Variants in CWC25 observed in about 807,000 individuals in gnomAD.
CWC25 encodes CWC25 spliceosome associated protein, also known as pre-mRNA-splicing factor CWC25 homolog.
A neutral mutation model predicts 54.6 loss-of-function variants in CWC25; 31 were observed. The observed-to-expected ratio is 0.57, with a 90% CI of 0.43 to 0.77. CWC25 has a LOEUF of 0.77. CWC25 is among the 30% of genes least tolerant of loss of function. The pLI is 0.00. For missense variants in CWC25, 453 were observed against 529.3 expected (o/e 0.86, Z 1.41); for synonymous variants, 151 against 187.0 (o/e 0.81, Z 1.57).
intron 2 of CWC25, among the ~76,000 whole-genome samples, chr17:38,819,324 C>T (rs1004495386): frequency 2.0e-5 from 3 of 150,862 alleles, no homozygotes; most frequent in Non-Finnish European, 3.0e-5. Flanking sequence ...CTCAGCCTCC[C>T]GAGTAGCTGG....
intron 5 of CWC25, 48 bp from the exon 6 acceptor site, chr17:38,809,813 G>A: frequency 1.3e-6 from 2 of 1,533,770 alleles, no homozygotes; most frequent in Non-Finnish European, 1.8e-6. Context: ...AATATATATA[G>A]GTCCAATTTA....
At chr17:38,822,290 C>T (rs1286883742) in intron 1 of CWC25, among the ~76,000 whole-genome samples, 1 of 152,058 alleles carries the variant, frequency 6.6e-6, no homozygotes, top group Non-Finnish European at 1.5e-5. Context: ...CTCAAACTCT[C>T]GACCTCAGGT....
chr17:38,815,305 C>T (rs1206805507), intron 2 of CWC25, among the ~76,000 whole-genome samples: 1 of 152,146 alleles, frequency 6.6e-6, no homozygotes, highest in Admixed American at 6.6e-5. Flanking sequence ...CCTGTAATCC[C>T]ACCATTTTGG....
intron 7 of CWC25, 145 bp downstream of exon 7, chr17:38,806,620 G>T: frequency 1.3e-6 from 1 of 767,220 alleles, no homozygotes; most frequent in Non-Finnish European, 2.0e-6. Context: ...CATTGAGGTG[G>T]AAAAAAAAAA....
At chr17:38,810,286 T>C in intron 5 of CWC25, 182 bp downstream of exon 5, 1 of 618,204 alleles carries the variant, frequency 1.6e-6, no homozygotes, top group Non-Finnish European at 2.7e-6. Context: ...ATTTAGCATC[T>C]CCAAGGAACT....
At chr17:38,807,569 C>T (rs1167044348) in intron 6 of CWC25, among the ~76,000 whole-genome samples, 1 of 139,214 alleles carries the variant, frequency 7.2e-6, no homozygotes, top group African/African-American at 2.6e-5. Flanking sequence ...CCACCCAGAG[C>T]AACTAGTGAG....
At chr17:38,805,861 G>A (rs1396997458) in intron 8 of CWC25, among the ~76,000 whole-genome samples, 5 of 151,550 alleles carry the variant, frequency 3.3e-5, no homozygotes, top group Non-Finnish European at 4.4e-5. Flanking sequence ...CGCCTGGGCT[G>A]CTGTGCAGTG....
chr17:38,809,829 C>G, intron 5 of CWC25, 64 bp from the exon 6 acceptor site: 1 of 1,450,812 alleles, frequency 6.9e-7, no homozygotes, highest in Non-Finnish European at 9.5e-7. Flanking sequence ...ATTTAAATAT[C>G]TTATGCTGAA....
chr17:38,819,839 AT>A (rs1485811152), intron 2 of CWC25, among the ~76,000 whole-genome samples: 1 of 149,614 alleles, frequency 6.7e-6, no homozygotes, highest in African/African-American at 2.5e-5. Flanking sequence ...CACCCAGCTA[AT>A]TTTTGTATTT....
rs1354184615 is a variant in CWC25 at position 38,806,917 on chromosome 17, T to A, written c.750A>T (p.Arg250Ser). Residue 250 changes from arginine to serine, a missense_variant, in exon 7 of 10, where the codon AGA becomes AGT. Around this residue, in one of 2 missense-constraint regions of CWC25, gnomAD observed 444 missense variants for 499.2 expected, o/e 0.89. Transcript: ENST00000614790. Reference sequence around the variant, plus strand: ...TGGAATGGTTCTTCATCCCATGCCCTCTCTTTTGCTCTGCTGTCAGAGGAC... The same window carrying A: ...TGGAATGGTTCTTCATCCCATGCCCACTCTTTTGCTCTGCTGTCAGAGGAC... ...LQGPLTAEQK[R>S]GHGMKNHSRS... is the part of the protein sequence containing the mutation. 6 of 1,613,962 alleles carry A rather than the reference T, an allele frequency of 3.7e-6. No homozygotes were observed. The highest frequency in any genetic ancestry group is 5.1e-6 in the Non-Finnish European group (6 of 1,179,872).
At chr17:38,812,560 G>A (rs986485810) in intron 4 of CWC25, among the ~76,000 whole-genome samples, 1 of 152,084 alleles carries the variant, frequency 6.6e-6, no homozygotes, top group African/African-American at 2.4e-5. Context: ...CTGGGAGGCG[G>A]AGGTTGCGGT....
At chr17:38,820,842 C>A in intron 2 of CWC25, 59 bp downstream of exon 2, 1 of 1,536,660 alleles carries the variant, frequency 6.5e-7, no homozygotes, top group Non-Finnish European at 8.8e-7. Flanking sequence ...CTGGATGATG[C>A]ATCTCAGGAC....
intron 8 of CWC25, among the ~76,000 whole-genome samples, chr17:38,805,205 G>A (rs1464509996): frequency 2.0e-5 from 3 of 152,112 alleles, no homozygotes; most frequent in Non-Finnish European, 4.4e-5. Flanking sequence ...AACCCCGGAG[G>A]CAGAGGTTGT....
At chr17:38,823,023 TAG>T (rs2143610577) in intron 1 of CWC25, among the ~76,000 whole-genome samples, 1 of 151,620 alleles carries the variant, frequency 6.6e-6, no homozygotes, top group Admixed American at 6.6e-5. Flanking sequence ...GTATTTTTAG[TAG>T]AGACGGGTTT....
intron 2 of CWC25, chr17:38,815,529 G>A (rs1911662863): frequency 7.2e-6 from 4 of 551,786 alleles, no homozygotes; most frequent in Non-Finnish European, 1.3e-5. Flanking sequence ...TCCAGCCTGG[G>A]TGACGGAGCC....
At chr17:38,824,545 G>T (rs902722562) in intron 1 of CWC25, among the ~76,000 whole-genome samples, 1 of 152,106 alleles carries the variant, frequency 6.6e-6, no homozygotes, top group African/African-American at 2.4e-5. Context: ...AATTAGCCGG[G>T]TGTGGTGGCG....
At chr17:38,805,551 C>T (rs991967240) in intron 8 of CWC25, among the ~76,000 whole-genome samples, 27 of 152,072 alleles carry the variant, frequency 1.8e-4, no homozygotes, top group African/African-American at 5.6e-4. Flanking sequence ...TGGCCTCAAG[C>T]GATCCTCCTG....
chr17:38,818,790 G>A lies in CWC25; in HGVS notation c.191+2111C>T, dbSNP rs1203968473. ...TATAAAATCACCTTCCCCCATTCACGACAGACAAGCAGGCATGAGTCTGCA... is the reference window on the plus strand; with the variant it reads ...TATAAAATCACCTTCCCCCATTCACAACAGACAAGCAGGCATGAGTCTGCA... On this transcript the variant is annotated intron_variant, in intron 2 of 9. Coordinates refer to ENST00000614790, the MANE Select transcript of CWC25 (RefSeq NM_017748.5). Among the ~76,000 whole-genome samples, 5 of 151,912 alleles carry A rather than the reference G, an allele frequency of 3.3e-5. No individual in the cohort carries two copies. In the East Asian group the frequency reaches 7.7e-4, roughly 23 times the overall value.
At chr17:38,813,586 C>T (rs1381361129) in intron 3 of CWC25, among the ~76,000 whole-genome samples, 1 of 150,872 alleles carries the variant, frequency 6.6e-6, no homozygotes, top group Non-Finnish European at 1.5e-5. Context: ...CTCAGTCGTC[C>T]AGGCTGCAGT....
Sources: gnomAD v4.1 joint callset for allele counts (sites outside exome capture counted in the v4.1 genomes callset) on GRCh38, gnomAD v4.1.1 for gene constraint, gnomAD v4.1.1 regional missense constraint, MANE v1.5 for transcripts, NCBI Gene and HGNC (gene_info 2026-07-23, HGNC 2026-07-21) for gene names.